Variants in ADAMTS14 observed in about 807,000 individuals in gnomAD.
ADAMTS14 encodes ADAM metallopeptidase with thrombospondin type 1 motif 14.
In ADAMTS14, 100 loss-of-function variants were observed where a neutral mutation model predicts 128.6. That is an observed-to-expected ratio of 0.78 (90% CI 0.66 to 0.92). ADAMTS14 has a LOEUF of 0.92. Ranked by LOEUF, ADAMTS14 falls within the 40% of genes least tolerant of loss-of-function variation. ADAMTS14 has a pLI of 0.00. For synonymous variants in ADAMTS14, 665 were observed against 653.8 expected (o/e 1.02, Z -0.26); for missense variants, 1,562 against 1,658.6 (o/e 0.94, Z 1.01).
intron 3 of ADAMTS14, among the ~76,000 whole-genome samples, chr10:70,705,423 G>A (rs1460960931): frequency 2.6e-5 from 4 of 152,236 alleles, no homozygotes; most frequent in African/African-American, 7.2e-5. Flanking sequence ...GCCGCCAGCC[G>A]GGCTGGGGCT....
Position 70,760,502 on chromosome 10 carries a change from C to G in ADAMTS14, c.3321C>G (p.Gly1107=). 6.2e-7 allele frequency: 1 copy of G among 1,613,924 alleles called. No individual in the cohort carries two copies. The highest frequency in any genetic ancestry group is 8.5e-7 in the Non-Finnish European group (1 of 1,179,942). Residue 1107 remains glycine (G), a synonymous_variant, in exon 22 of 22, where the codon GGC becomes GGG. Transcript: ENST00000373207. ...ASGPNPGPDP[G]PTSLPPFSTP... ...GCCCCAACCCTGGCCCAGACCCTGG[C>G]CCAACCTCACTGCCCCCCTTCTCCA...
intron 4 of ADAMTS14, among the ~76,000 whole-genome samples, chr10:70,721,964 G>A (rs2894129): frequency 0.46 from 69,650 of 152,014 alleles, 16,332 homozygotes; most frequent in African/African-American, 0.51. Flanking sequence ...ATTTTACTGG[G>A]AGGTGTCAAT....
chr10:70,732,222 C>T lies in ADAMTS14; in HGVS notation c.1103-32C>T, dbSNP rs180995375. The T allele has an allele frequency of 2.0e-3, 3,105 of 1,577,154 alleles. 40 individuals carry two copies. The highest frequency in any genetic ancestry group is 1.6e-3 in the South Asian group (143 of 89,514). ...GTCCTGCCTCACCTGCCCTCCACCT[C>T]GCTCTCCACCTTTTCTTTCTCTCTT... On this transcript the variant is annotated intron_variant, in intron 6 of 21. Transcript: ENST00000373207.
chr10:70,713,558 G>A (rs1036917414), intron 4 of ADAMTS14, among the ~76,000 whole-genome samples: 1 of 152,246 alleles, frequency 6.6e-6, no homozygotes, highest in Admixed American at 6.5e-5. Flanking sequence ...CAGCAGATGG[G>A]CTTTCTCCCA....
At chr10:70,705,248 G>A (rs1840625752) in intron 3 of ADAMTS14, among the ~76,000 whole-genome samples, 1 of 152,188 alleles carries the variant, frequency 6.6e-6, no homozygotes, top group Non-Finnish European at 1.5e-5. Flanking sequence ...CCCTGAGGCT[G>A]CGTCCTGGAT....
chr10:70,710,126 A>G (rs1362374475), intron 4 of ADAMTS14, among the ~76,000 whole-genome samples: 1 of 152,166 alleles, frequency 6.6e-6, no homozygotes, highest in Non-Finnish European at 1.5e-5. Flanking sequence ...ACCCATTGGG[A>G]TAGACCCCAG....
intron 10 of ADAMTS14, among the ~76,000 whole-genome samples, chr10:70,738,401 C>A (rs1272794640): frequency 2.6e-5 from 4 of 152,190 alleles, no homozygotes; most frequent in African/African-American, 9.7e-5. Context: ...ATGCACAGAC[C>A]TCCCTGCATG....
chr10:70,744,285 G>A (rs1180055461), intron 14 of ADAMTS14, 96 bp downstream of exon 14: 29 of 1,375,784 alleles, frequency 2.1e-5, no homozygotes, highest in Admixed American at 1.0e-4. Context: ...CCACAGTCTG[G>A]GGTGGGGAGA....
intron 2 of ADAMTS14, among the ~76,000 whole-genome samples, chr10:70,676,688 C>T (rs1300039931): frequency 6.6e-6 from 1 of 152,220 alleles, no homozygotes; most frequent in Admixed American, 6.5e-5. Flanking sequence ...GAGCCTCTGC[C>T]GCCAGCCCAC....
intron 10 of ADAMTS14, 54 bp from the exon 11 acceptor site, chr10:70,738,788 G>A (rs1418280101): frequency 1.8e-5 from 29 of 1,610,426 alleles, no homozygotes; most frequent in Non-Finnish European, 2.4e-5. Flanking sequence ...GGCTCCCCGG[G>A]TGGGCTCAGC....
intron 19 of ADAMTS14, among the ~76,000 whole-genome samples, chr10:70,755,108 C>A (rs1165999286): frequency 6.6e-6 from 1 of 151,964 alleles, no homozygotes; most frequent in African/African-American, 2.4e-5. Flanking sequence ...GAATTCGAGA[C>A]CAGCCTGGGC....
chr10:70,752,189 C>T lies in ADAMTS14; in HGVS notation c.2691C>T (p.Ile897=). Residue 897 remains isoleucine (I), a synonymous_variant, in exon 18 of 22, where the codon ATC becomes ATT. Transcript: ENST00000373207. ...ACCACAAGAAGAGGCCCAAGCCCAT[C>T]CGCCGGCGCTGCAACCAGCACCCGT... ...LCDHKKRPKP[I]RRRCNQHPCS... 6.2e-7 allele frequency: 1 copy of T among 1,613,794 alleles called. No homozygotes were observed. The highest frequency in any genetic ancestry group is 1.3e-5 in the African/African-American group (1 of 75,072).
At chr10:70,737,632 G>A (rs1386577789) in intron 10 of ADAMTS14, among the ~76,000 whole-genome samples, 4 of 152,212 alleles carry the variant, frequency 2.6e-5, no homozygotes, top group Admixed American at 2.6e-4. Flanking sequence ...TCTGGGGCTT[G>A]TCCTGTCACA....
rs1841836926 is a variant in ADAMTS14 at position 70,736,673 on chromosome 10, C to T, written c.1486-7C>T. The T allele has an allele frequency of 6.2e-7, 1 of 1,612,680 alleles. No homozygotes were observed. The highest frequency in any genetic ancestry group is 8.5e-7 in the Non-Finnish European group (1 of 1,179,166). On this transcript the variant is annotated splice_polypyrimidine_tract_variant and splice_region_variant and intron_variant, in intron 9 of 21. Coordinates refer to ENST00000373207, the MANE Select transcript of ADAMTS14 (RefSeq NM_080722.4). ...CAGTCTGGTGACCCCATTCCCTTGC[C>T]ATGCAGTTCAGGACCTTTGAGCCCT... is the stretch of plus-strand genomic sequence containing the variant.
intron 15 of ADAMTS14, among the ~76,000 whole-genome samples, chr10:70,748,189 G>T (rs76486887): frequency 0.011 from 1,652 of 152,314 alleles, 24 homozygotes; most frequent in African/African-American, 0.038. Context: ...TCAGAGAGAG[G>T]TTAGATACAG....
chr10:70,678,164 A>G (rs1446062222), intron 2 of ADAMTS14, among the ~76,000 whole-genome samples: 1 of 152,224 alleles, frequency 6.6e-6, no homozygotes, highest in Non-Finnish European at 1.5e-5. Flanking sequence ...ATAGGCGGAG[A>G]TACGAAGATA....
At chr10:70,743,414 C>A in intron 12 of ADAMTS14, 134 bp from the exon 13 acceptor site, 1 of 1,065,754 alleles carries the variant, frequency 9.4e-7, no homozygotes, top group African/African-American at 1.7e-5. Flanking sequence ...TTTTCAGCCC[C>A]CGTGCCACAC....
intron 4 of ADAMTS14, among the ~76,000 whole-genome samples, chr10:70,709,549 G>A (rs138091352): frequency 0.037 from 4,814 of 128,514 alleles, 273 homozygotes; most frequent in African/African-American, 0.14. Flanking sequence ...CACTCAGGTC[G>A]GAGTGCAATG....
chr10:70,731,944 A>T (rs1475763430), intron 6 of ADAMTS14, among the ~76,000 whole-genome samples: 1 of 152,042 alleles, frequency 6.6e-6, no homozygotes, highest in Non-Finnish European at 1.5e-5. Flanking sequence ...TTGCTGATTG[A>T]CTGTGGGACT....
Sources: allele counts gnomAD v4.1 joint callset (sites outside exome capture counted in the v4.1 genomes callset), GRCh38; gene constraint gnomAD v4.1.1; transcripts MANE v1.5; gene names NCBI Gene and HGNC (gene_info 2026-07-23, HGNC 2026-07-21).